The following LARP1B variants were observed in gnomAD, a reference collection of about 807,000 sequenced individuals.
LARP1B encodes la-related protein 1B.
In LARP1B, 76 loss-of-function variants were observed where a neutral mutation model predicts 114.2. The observed-to-expected ratio is 0.67, with a 90% CI of 0.55 to 0.81. LARP1B has a LOEUF of 0.81. Ranked by LOEUF, LARP1B falls within the 30% of genes least tolerant of loss-of-function variation. LARP1B has a pLI of 0.00. For missense variants in LARP1B, 1,014 were observed against 1,075.8 expected, an observed-to-expected ratio of 0.94 and a Z score of 0.80; for synonymous variants, 345 against 348.0, an observed-to-expected ratio of 0.99 and a Z score of 0.10.
intron 12 of LARP1B, among the ~76,000 whole-genome samples, chr4:128,169,711 A>T (rs1454344784): frequency 6.6e-6 from 1 of 152,068 alleles, no homozygotes. Context: ...ATCTCGGCTC[A>T]CTGCCACCTC....
At chr4:128,161,249 T>G (rs1412360239) in intron 11 of LARP1B, among the ~76,000 whole-genome samples, 1 of 152,130 alleles carries the variant, frequency 6.6e-6, no homozygotes, top group Non-Finnish European at 1.5e-5. Context: ...ACCTTTAAGT[T>G]CACCTGTGGC....
intron 9 of LARP1B, among the ~76,000 whole-genome samples, chr4:128,111,758 T>G (rs1359356139): frequency 1.3e-5 from 2 of 152,128 alleles, no homozygotes. Flanking sequence ...AGTGGCTCAC[T>G]GCAACCTCCG....
At chr4:128,179,213 A>G in intron 14 of LARP1B, 193 bp from the exon 15 acceptor site, 1 of 418,548 alleles carries the variant, frequency 2.4e-6, no homozygotes. Context: ...TCACAAACCT[A>G]CCAAAGGACT....
chr4:128,118,295 G>C (rs60554491), intron 10 of LARP1B, among the ~76,000 whole-genome samples: 1 of 145,414 alleles, frequency 6.9e-6, no homozygotes, highest in African/African-American at 2.6e-5. Flanking sequence ...GCAGTGGCGC[G>C]ATCTCGGCTC....
intron 10 of LARP1B, 56 bp downstream of exon 10, chr4:128,114,798 A>G: frequency 6.7e-7 from 1 of 1,483,510 alleles, no homozygotes; most frequent in Non-Finnish European, 9.3e-7. Context: ...GTATAAGGTC[A>G]GTGCACTTTA....
chr4:128,073,849 C>T (rs772922577), intron 1 of LARP1B, among the ~76,000 whole-genome samples: 3 of 151,788 alleles, frequency 2.0e-5, no homozygotes, highest in African/African-American at 4.8e-5. Flanking sequence ...CTTGGCCTCC[C>T]GAAGTGCTGG....
chr4:128,156,672 C>T (rs558519630), intron 11 of LARP1B, among the ~76,000 whole-genome samples: 83 of 152,048 alleles, frequency 5.5e-4, no homozygotes, highest in African/African-American at 2.0e-3. Flanking sequence ...GCCATTCTGC[C>T]GCCCCCTCCT....
At chr4:128,080,054 A>T (rs1319170154) in intron 4 of LARP1B, among the ~76,000 whole-genome samples, 1 of 148,004 alleles carries the variant, frequency 6.8e-6, no homozygotes, top group Non-Finnish European at 1.5e-5. Context: ...CGCGATCTCC[A>T]GCTCACTGCA....
intron 19 of LARP1B, among the ~76,000 whole-genome samples, chr4:128,208,927 A>T (rs1488232377): frequency 6.6e-6 from 1 of 152,204 alleles, no homozygotes; most frequent in East Asian, 1.9e-4. Context: ...TGTTATTTAA[A>T]CATTTTCACT....
chr4:128,209,264 C>T (rs956259246), intron 19 of LARP1B, among the ~76,000 whole-genome samples: 4 of 151,974 alleles, frequency 2.6e-5, no homozygotes, highest in Admixed American at 1.3e-4. Flanking sequence ...ACTAAAAATA[C>T]GAAAAAATTA....
chr4:128,155,311 A>G (rs1230555162), intron 11 of LARP1B: 12 of 511,792 alleles, frequency 2.3e-5, no homozygotes, highest in Non-Finnish European at 3.9e-5. Flanking sequence ...CAAGACAGTA[A>G]AACATCATGT....
intron 11 of LARP1B, chr4:128,155,641 G>A (rs1285341430): frequency 6.8e-7 from 1 of 1,464,960 alleles, no homozygotes; most frequent in East Asian, 2.3e-5. Context: ...AGCCATCCGG[G>A]CCCTGGGGCC....
intron 15 of LARP1B, 85 bp downstream of exon 15, chr4:128,179,597 T>A (rs10024410): frequency 3.8e-6 from 3 of 780,094 alleles, no homozygotes; most frequent in Non-Finnish European, 6.1e-6. Context: ...TCAAAATATT[T>A]AAAAATTAAT....
At chr4:128,135,027 C>T (rs765881095) in intron 11 of LARP1B, among the ~76,000 whole-genome samples, 2 of 151,764 alleles carry the variant, frequency 1.3e-5, no homozygotes, top group Non-Finnish European at 2.9e-5. Flanking sequence ...GCTTGAACCC[C>T]GGAGGTGGGG....
intron 11 of LARP1B, among the ~76,000 whole-genome samples, chr4:128,160,063 T>G (rs1737723994): frequency 6.6e-6 from 1 of 152,242 alleles, no homozygotes; most frequent in Non-Finnish European, 1.5e-5. Flanking sequence ...TCTTAGACTT[T>G]GTGGGTCATA....
chr4:128,191,765 C>T (rs1429926575), intron 15 of LARP1B, among the ~76,000 whole-genome samples: 9 of 152,068 alleles, frequency 5.9e-5, no homozygotes, highest in African/African-American at 2.2e-4. Context: ...TTTCTCCCTG[C>T]TAGCCCTCAT....
At chr4:128,084,721 C>G (rs937456139) in intron 5 of LARP1B, among the ~76,000 whole-genome samples, 1 of 151,502 alleles carries the variant, frequency 6.6e-6, no homozygotes, top group Non-Finnish European at 1.5e-5. Context: ...CTTGATTTGT[C>G]CCATTATTGA....
intron 3 of LARP1B, among the ~76,000 whole-genome samples, chr4:128,077,070 C>T (rs965921102): frequency 2.0e-5 from 3 of 152,192 alleles, no homozygotes; most frequent in African/African-American, 7.2e-5. Context: ...ATATTTTAGC[C>T]ATTCTAATAA....
Position 128,122,082 on chromosome 4 carries a change from G to C in LARP1B, c.1418G>C (p.Arg473Pro), listed in dbSNP as rs142360155. Residue 473 changes from arginine (R) to proline (P), a missense_variant, in exon 11 of 20, where the codon CGG (arginine) becomes CCG (proline). Transcript: ENST00000326639. The part of the protein sequence containing the change: ...GGDRTGTHMS[R>P]AKITSELAKV... ...GATCGAACAGGCACCCACATGTCTC[G>C]GGCAAAAATCACATCTGAACTTGCT... 6.2e-7 allele frequency: 1 copy of C among 1,613,992 alleles called. No individual in the cohort carries two copies. The highest frequency in any genetic ancestry group is 8.5e-7 in the Non-Finnish European group (1 of 1,179,992).
Sources: gnomAD v4.1 joint callset for allele counts (sites outside exome capture counted in the v4.1 genomes callset) on GRCh38, gnomAD v4.1.1 for gene constraint, MANE v1.5 for transcripts, NCBI Gene and HGNC (gene_info 2026-07-23, HGNC 2026-07-21) for gene names.